The following COL15A1 variants were observed in gnomAD, a reference collection of about 807,000 sequenced individuals.
COL15A1 encodes collagen type XV alpha 1 chain, also known as collagen alpha-1(XV) chain.
Under a neutral mutation model 165.9 loss-of-function variants are expected in COL15A1, and 111 were observed. The ratio of observed to expected loss-of-function variants is 0.67; its 90% CI spans 0.57 to 0.78. The LOEUF (loss-of-function observed/expected upper bound fraction) is 0.78. COL15A1 is among the 30% of genes least tolerant of loss of function. The pLI is 0.00. For missense variants in COL15A1, 1,745 were observed against 1,789.7 expected (o/e 0.98, Z 0.45); for synonymous variants, 659 against 674.8 (o/e 0.98, Z 0.36).
intron 2 of COL15A1, among the ~76,000 whole-genome samples, chr9:98,956,921 C>G (rs1471027859): frequency 6.6e-6 from 1 of 152,230 alleles, no homozygotes; most frequent in Non-Finnish European, 1.5e-5. Context: ...ACACTCTAAA[C>G]CAGCTCTGAT....
chr9:98,990,203 G>C (rs949760265), intron 5 of COL15A1, among the ~76,000 whole-genome samples: 12 of 152,220 alleles, frequency 7.9e-5, no homozygotes, highest in African/African-American at 2.9e-4. Context: ...GAGGTGTACG[G>C]AAAACTGCCC....
At chr9:99,034,510 G>A in intron 16 of COL15A1, 39 bp from the exon 17 acceptor site, 1 of 1,473,478 alleles carries the variant, frequency 6.8e-7, no homozygotes, top group Non-Finnish European at 9.1e-7. Flanking sequence ...CATGACATAT[G>A]CATTAATTGG....
chr9:98,998,238 A>G (rs1240936558), intron 6 of COL15A1, among the ~76,000 whole-genome samples: 1 of 152,124 alleles, frequency 6.6e-6, no homozygotes, highest in Non-Finnish European at 1.5e-5. Context: ...TACTTTTTTT[A>G]TTGTACTTCC....
intron 30 of COL15A1, among the ~76,000 whole-genome samples, chr9:99,051,614 T>C (rs1839589394): frequency 6.6e-6 from 1 of 152,186 alleles, no homozygotes; most frequent in Admixed American, 6.5e-5. Flanking sequence ...ATCCTTAACT[T>C]AGAAATGTTT....
intron 41 of COL15A1, 84 bp from the exon 42 acceptor site, chr9:99,069,589 A>G (rs1825951041): frequency 6.5e-7 from 1 of 1,530,734 alleles, no homozygotes; most frequent in Non-Finnish European, 8.9e-7. Flanking sequence ...AACTTGATTC[A>G]TTAGACTTAT....
At position 99,016,046 on chromosome 9, in the gene COL15A1, A is replaced by G; in HGVS notation, c.1574A>G (p.Glu525Gly). Reference protein sequence around the residue: ...EEPLITAGGEESGSPPPDGPP... With the variant: ...EEPLITAGGEGSGSPPPDGPP... ...CCCCTCATCACAGCTGGGGGTGAAGAGTCCGGCAGCCCTCCCCCTGATGGG... is the reference window on the plus strand; with the variant it reads ...CCCCTCATCACAGCTGGGGGTGAAGGGTCCGGCAGCCCTCCCCCTGATGGG... Residue 525 changes from glutamate (E) to glycine (G), a missense_variant, in exon 11 of 42, where the codon GAG becomes GGG. Glu to Gly is a moderately conservative substitution (Grantham distance 98, BLOSUM62 -2). Coordinates refer to ENST00000375001, the MANE Select transcript of COL15A1 (RefSeq NM_001855.5). The G allele has an allele frequency of 6.2e-7, 1 of 1,614,034 alleles. No individual in the cohort carries two copies. Among genetic ancestry groups the G allele is most frequent in the Non-Finnish European group, 8.5e-7 (1 of 1,179,912 alleles).
chr9:99,054,546 T>C, intron 31 of COL15A1, 30 bp from the exon 32 acceptor site: 1 of 1,576,728 alleles, frequency 6.3e-7, no homozygotes, highest in Non-Finnish European at 8.6e-7. Context: ...ATTTTCCATT[T>C]TTTTTTAACA....
chr9:98,976,361 C>A (rs1330322834), intron 2 of COL15A1, among the ~76,000 whole-genome samples: 1 of 152,202 alleles, frequency 6.6e-6, no homozygotes, highest in Non-Finnish European at 1.5e-5. Flanking sequence ...TCTATCTGGT[C>A]TAACTCTCTG....
intron 41 of COL15A1, among the ~76,000 whole-genome samples, chr9:99,069,238 C>G (rs1185863432): frequency 6.9e-6 from 1 of 144,786 alleles, no homozygotes. Flanking sequence ...AACTGTGACT[C>G]TAGACAGAAT....
chr9:99,010,527 C>G (rs936369513), intron 9 of COL15A1, among the ~76,000 whole-genome samples: 1 of 152,310 alleles, frequency 6.6e-6, no homozygotes, highest in South Asian at 2.1e-4. Flanking sequence ...AGTAGGCTTG[C>G]AAGACTGCAT....
At chr9:98,978,330 G>A (rs982416720) in intron 2 of COL15A1, among the ~76,000 whole-genome samples, 3 of 152,114 alleles carry the variant, frequency 2.0e-5, no homozygotes, top group African/African-American at 2.4e-5. Context: ...TCGCCTGAAC[G>A]CTTAACCTGG....
intron 21 of COL15A1, among the ~76,000 whole-genome samples, chr9:99,036,597 T>C (rs1443070302): frequency 6.6e-6 from 1 of 152,238 alleles, no homozygotes; most frequent in Non-Finnish European, 1.5e-5. Flanking sequence ...TAGATTTGTC[T>C]CTTCTGATTA....
intron 39 of COL15A1, among the ~76,000 whole-genome samples, chr9:99,064,069 T>TCA (rs1825858332): frequency 6.6e-6 from 1 of 152,154 alleles, no homozygotes; most frequent in Non-Finnish European, 1.5e-5. Context: ...TTGCTCTCTC[T>TCA]ATAGACCACC....
chr9:99,013,231 G>C (rs996194098), intron 9 of COL15A1, among the ~76,000 whole-genome samples: 5 of 152,040 alleles, frequency 3.3e-5, no homozygotes, highest in Admixed American at 1.3e-4. Context: ...CCTGAATGAG[G>C]CTTTTTAAAC....
At chr9:98,960,742 C>G (rs1009748019) in intron 2 of COL15A1, among the ~76,000 whole-genome samples, 1 of 152,228 alleles carries the variant, frequency 6.6e-6, no homozygotes, top group Non-Finnish European at 1.5e-5. Context: ...ACGCCCCAAG[C>G]TCTTAGCACA....
At position 99,036,156 on chromosome 9, in the gene COL15A1, G is replaced by A. The variant is rs1270140907; in HGVS notation, c.2290-14G>A. ...AGTGACTAGAAGAATATTTATTTTT[G>A]TTTATTTTTCCAGGGTCTCAAAGGA... is the stretch of plus-strand genomic sequence containing the variant. On this transcript the variant is annotated splice_polypyrimidine_tract_variant and intron_variant, in intron 19 of 41. Transcript: ENST00000375001. 6.2e-7 allele frequency: 1 copy of A among 1,605,740 alleles called. No individual in the cohort carries two copies. Among genetic ancestry groups the A allele is most frequent in the African/African-American group, 1.3e-5 (1 of 74,646 alleles).
chr9:98,994,436 G>C (rs925619354), intron 5 of COL15A1, among the ~76,000 whole-genome samples: 2 of 152,120 alleles, frequency 1.3e-5, no homozygotes, highest in African/African-American at 4.8e-5. Context: ...TTCCTACTTA[G>C]CCTTCAGGAT....
At chr9:98,946,613 T>C (rs2118736515) in intron 2 of COL15A1, among the ~76,000 whole-genome samples, 1 of 152,362 alleles carries the variant, frequency 6.6e-6, no homozygotes, top group Middle Eastern at 3.4e-3. Context: ...AATAGCCCTC[T>C]CACGTCTGTG....
intron 11 of COL15A1, 120 bp from the exon 12 acceptor site, chr9:99,020,269 A>G: frequency 2.7e-6 from 2 of 736,218 alleles, no homozygotes; most frequent in South Asian, 3.2e-5. Context: ...ACTTCAGCCC[A>G]GTACAAGCCC....
Sources: gnomAD v4.1 joint callset for allele counts (sites outside exome capture counted in the v4.1 genomes callset) on GRCh38, gnomAD v4.1.1 for gene constraint, MANE v1.5 for transcripts, NCBI Gene and HGNC (gene_info 2026-07-23, HGNC 2026-07-21) for gene names.